MACROH2A2: variants seen among roughly 807,000 people sequenced by gnomAD.
MACROH2A2 encodes the protein core histone macro-H2A.2.
A neutral mutation model predicts 37.6 loss-of-function variants in MACROH2A2; 6 were observed. The observed-to-expected ratio is 0.16, with a 90% CI of 0.09 to 0.32. The LOEUF is 0.32. Among genes scored for constraint, MACROH2A2 ranks in the 10% least tolerant of loss-of-function variants. The pLI is 1.00. For missense variants in MACROH2A2, 290 were observed against 485.9 expected, an observed-to-expected ratio of 0.60 and a Z score of 3.79; for synonymous variants, 192 against 202.7, an observed-to-expected ratio of 0.95 and a Z score of 0.45.
chr10:70,101,349 A>G (rs1010350230), intron 7 of MACROH2A2, among the ~76,000 whole-genome samples: 4 of 152,192 alleles, frequency 2.6e-5, no homozygotes, highest in African/African-American at 9.7e-5. Context: ...TCAAGATACA[A>G]TCGATCCTGG....
intron 6 of MACROH2A2, among the ~76,000 whole-genome samples, chr10:70,099,983 C>T (rs916102962): frequency 2.0e-5 from 3 of 152,194 alleles, no homozygotes; most frequent in African/African-American, 7.2e-5. Flanking sequence ...CCAAATCACC[C>T]CTTAAAATAT....
chr10:70,091,751 CTT>C lies in MACROH2A2; in HGVS notation c.280-5_280-4del. On this transcript the variant is annotated splice_region_variant and splice_polypyrimidine_tract_variant and intron_variant, in intron 3 of 8. Coordinates refer to ENST00000373255, the MANE Select transcript of MACROH2A2 (RefSeq NM_018649.3). ...GCTACATGAGCGCATGCATTTCTCT[CTT>C]CAGCTGCTAAAAGGAGTGACCATCG... 6.2e-7 allele frequency: 1 copy of C among 1,609,332 alleles called. No homozygotes were observed. Among genetic ancestry groups the C allele is most frequent in the South Asian group, 1.1e-5 (1 of 90,986 alleles).
chr10:70,101,888 C>T (rs1449295276), intron 7 of MACROH2A2, among the ~76,000 whole-genome samples: 1 of 152,130 alleles, frequency 6.6e-6, no homozygotes, highest in Non-Finnish European at 1.5e-5. Flanking sequence ...TACTGATGGA[C>T]ATTTGGGCTG....
intron 1 of MACROH2A2, among the ~76,000 whole-genome samples, chr10:70,058,367 C>T (rs960634739): frequency 1.3e-5 from 2 of 152,144 alleles, no homozygotes; most frequent in Admixed American, 6.5e-5. Context: ...TATGCATAGA[C>T]CACCAGTGTA....
At chr10:70,090,255 A>T in intron 3 of MACROH2A2, 89 bp downstream of exon 3, 1 of 800,406 alleles carries the variant, frequency 1.2e-6, no homozygotes, top group South Asian at 1.4e-5. Context: ...CACTCCTGCT[A>T]CAGTTCCCAA....
intron 2 of MACROH2A2, among the ~76,000 whole-genome samples, chr10:70,084,257 G>A (rs960355171): frequency 4.6e-5 from 7 of 152,150 alleles, no homozygotes; most frequent in South Asian, 4.1e-4. Flanking sequence ...ACATGTGGCC[G>A]TGCAGGTTGT....
Position 70,089,429 on chromosome 10 carries a change from G to A in MACROH2A2, c.173-631G>A, listed in dbSNP as rs140607683. On this transcript the variant is annotated intron_variant, in intron 2 of 8. Transcript: ENST00000373255. The stretch of plus-strand genomic sequence containing the variant: ...GATGGCTGCCCAAATTCCAGCCATC[G>A]TGTCCTCAGCCCACCATTAGAAAGG... Among the ~76,000 whole-genome samples, 398 of 152,242 alleles carry A rather than the reference G, an allele frequency of 2.6e-3. 3 individuals are homozygous for A. Among genetic ancestry groups the A allele is most frequent in the African/African-American group, 9.2e-3 (380 of 41,528 alleles).
At chr10:70,062,443 T>G (rs2072055339) in intron 1 of MACROH2A2, among the ~76,000 whole-genome samples, 2 of 152,240 alleles carry the variant, frequency 1.3e-5, no homozygotes, top group South Asian at 4.1e-4. Context: ...GATGACACTG[T>G]GAATTTCATG....
chr10:70,080,074 GT>G (rs2136628379), intron 2 of MACROH2A2, among the ~76,000 whole-genome samples: 1 of 152,272 alleles, frequency 6.6e-6, no homozygotes, highest in East Asian at 1.9e-4. Flanking sequence ...GAGGTCAGGA[GT>G]TCGAGACCAG....
At chr10:70,063,074 G>T (rs1000089565) in intron 1 of MACROH2A2, among the ~76,000 whole-genome samples, 2 of 151,784 alleles carry the variant, frequency 1.3e-5, no homozygotes, top group Admixed American at 1.3e-4. Flanking sequence ...CTGGCAGAGG[G>T]TTTGTTGCAG....
intron 1 of MACROH2A2, among the ~76,000 whole-genome samples, chr10:70,057,846 T>G (rs1031759484): frequency 6.6e-6 from 1 of 152,226 alleles, no homozygotes; most frequent in Non-Finnish European, 1.5e-5. Context: ...ACCCATTTAA[T>G]TCTGACAGCA....
At chr10:70,076,508 C>G (rs1403186919) in intron 2 of MACROH2A2, among the ~76,000 whole-genome samples, 1 of 152,018 alleles carries the variant, frequency 6.6e-6, no homozygotes, top group Non-Finnish European at 1.5e-5. Flanking sequence ...TTGTTGTTCT[C>G]TTATGTCATA....
intron 2 of MACROH2A2, among the ~76,000 whole-genome samples, chr10:70,087,523 A>G (rs1418479576): frequency 2.0e-5 from 3 of 152,120 alleles, no homozygotes; most frequent in Non-Finnish European, 2.9e-5. Flanking sequence ...ATCAGCCACC[A>G]TGCCTGGCCA....
intron 1 of MACROH2A2, among the ~76,000 whole-genome samples, chr10:70,067,164 G>A (rs2072084286): frequency 6.6e-6 from 1 of 152,194 alleles, no homozygotes; most frequent in South Asian, 2.1e-4. Context: ...TTGATGAAAT[G>A]TTGTGACCAG....
intron 2 of MACROH2A2, among the ~76,000 whole-genome samples, chr10:70,084,888 G>A (rs182040734): frequency 1.4e-4 from 22 of 152,194 alleles, no homozygotes; most frequent in Middle Eastern, 3.4e-3. Context: ...GACCACACCC[G>A]GCTAGGAGCA....
chr10:70,057,629 A>G (rs2072025644), intron 1 of MACROH2A2, among the ~76,000 whole-genome samples: 2 of 152,220 alleles, frequency 1.3e-5, no homozygotes, highest in Non-Finnish European at 2.9e-5. Flanking sequence ...TTACACACAT[A>G]CAACCTCAAG....
chr10:70,072,321 C>T (rs2136623329), intron 1 of MACROH2A2, among the ~76,000 whole-genome samples: 1 of 151,984 alleles, frequency 6.6e-6, no homozygotes, highest in Middle Eastern at 3.4e-3. Context: ...TTAGCCTAGG[C>T]CTACACAGAG....
intron 1 of MACROH2A2, among the ~76,000 whole-genome samples, chr10:70,061,818 G>A (rs748862431): frequency 1.3e-5 from 2 of 152,178 alleles, no homozygotes; most frequent in Non-Finnish European, 2.9e-5. Flanking sequence ...TGATCTGCGT[G>A]CCATTTTGAT....
At chr10:70,097,948 T>TA (rs1419956000) in intron 6 of MACROH2A2, among the ~76,000 whole-genome samples, 2 of 151,798 alleles carry the variant, frequency 1.3e-5, no homozygotes, top group East Asian at 3.9e-4. Flanking sequence ...TCATCTCTTA[T>TA]AAAAAAGGGG....
Sources: allele counts gnomAD v4.1 joint callset (sites outside exome capture counted in the v4.1 genomes callset), GRCh38; gene constraint gnomAD v4.1.1; transcripts MANE v1.5; gene names NCBI Gene and HGNC (gene_info 2026-07-23, HGNC 2026-07-21).